SEC63: variants seen among roughly 807,000 people sequenced by gnomAD.
The protein encoded by SEC63 is translocation protein SEC63 homolog.
SEC63 carries 56 observed loss-of-function variants against 116.2 expected under a neutral mutation model. The observed-to-expected ratio is 0.48, with a 90% CI of 0.39 to 0.60. SEC63 has a LOEUF of 0.60. Among genes scored for constraint, SEC63 ranks in the 20% least tolerant of loss-of-function variants. The probability of loss-of-function intolerance (pLI) is 0.00; values close to 1 mark genes in which losing one functional copy is unlikely to be tolerated. For missense variants in SEC63, 668 were observed against 900.0 expected (o/e 0.74, Z 3.30); for synonymous variants, 273 against 294.6 (o/e 0.93, Z 0.75).
intron 1 of SEC63, among the ~76,000 whole-genome samples, chr6:107,947,922 A>G (rs1770508777): frequency 6.6e-6 from 1 of 152,162 alleles, no homozygotes; most frequent in Admixed American, 6.5e-5. Flanking sequence ...ATGTTTTATT[A>G]CCATACTTTA....
At chr6:107,904,504 A>T in intron 11 of SEC63, 125 bp downstream of exon 11, 1 of 738,416 alleles carries the variant, frequency 1.4e-6, no homozygotes, top group Non-Finnish European at 2.4e-6. Flanking sequence ...ACATGAGTAA[A>T]ATTGAAGAAG....
At position 107,891,669 on chromosome 6, in the gene SEC63, G is replaced by A. The variant is rs184433475; in HGVS notation, c.1674+1813C>T. On this transcript the variant is annotated intron_variant, in intron 16 of 20. Transcript: ENST00000369002. ...GTTTTTGGAATTTTCAGCCTTTTTG[G>A]GCTGATTTCTCCCCATCTGCGTGGA... is the stretch of plus-strand genomic sequence containing the variant. 4.6e-5 allele frequency among the ~76,000 whole-genome samples: 7 copies of A among 152,140 alleles called. No individual in the cohort carries two copies. In the East Asian group the frequency reaches 1.4e-3, roughly 30 times the overall value.
At chr6:107,883,531 A>T (rs1458745604) in intron 16 of SEC63, 1 of 215,384 alleles carries the variant, frequency 4.6e-6, no homozygotes, top group Non-Finnish European at 9.3e-6. Context: ...ACAGCGACTC[A>T]TGCATGTAAT....
Position 107,871,723 on chromosome 6 carries a change from T to C in SEC63, c.2264A>G (p.Glu755Gly), listed in dbSNP as rs1398678941. ...TACTGCTTAGTCATCATCTTCTTCTTCCTCCTCTTCTTCCTCAAAGCTATC... is the reference window on the plus strand; with the variant it reads ...TACTGCTTAGTCATCATCTTCTTCTCCCTCCTCTTCTTCCTCAAAGCTATC... ...FEDSFEEEEE[E>G]EEDDD Residue 755 changes from glutamate to glycine, a missense_variant, in exon 21 of 21, where the codon GAA becomes GGA. Glu to Gly is a moderately conservative substitution (Grantham distance 98). Around this residue, in one of 5 missense-constraint regions of SEC63, gnomAD observed 85 missense variants for 116.3 expected, o/e 0.73. Transcript: ENST00000369002. 1.2e-6 allele frequency: 2 copies of C among 1,612,750 alleles called. No individual in the cohort carries two copies. Among genetic ancestry groups the C allele is most frequent in the Non-Finnish European group, 1.7e-6 (2 of 1,179,736 alleles).
At chr6:107,935,048 C>A (rs1327439400) in intron 1 of SEC63, among the ~76,000 whole-genome samples, 1 of 136,882 alleles carries the variant, frequency 7.3e-6, no homozygotes, top group Non-Finnish European at 1.6e-5. Context: ...AGGGGCGCCT[C>A]TGCCCAGCCG....
chr6:107,918,956 G>A (rs1428894650), intron 4 of SEC63, among the ~76,000 whole-genome samples: 2 of 135,822 alleles, frequency 1.5e-5, no homozygotes, highest in Non-Finnish European at 3.1e-5. Context: ...TGTCGCCCAG[G>A]CTGGAGTGCA....
rs1300086054 is a variant in SEC63, at chr6:107,868,515, G to C, written c.*3189C>G. 2 of 152,446 alleles carry C rather than the reference G, an allele frequency of 1.3e-5. No individual in the cohort carries two copies. Among genetic ancestry groups the C allele is most frequent in the Middle Eastern group, 3.1e-3 (1 of 318 alleles). The allele number at this position is 152,446 out of a possible 1,614,324, so 9.4% of individuals were successfully genotyped here. The stretch of plus-strand genomic sequence containing the variant: ...AATCGCTTGAAGCTGGGAGGCGGAG[G>C]TTGCAGTGAGCTGAGATCGTGCCAC... On this transcript the variant is annotated 3_prime_UTR_variant, in exon 21 of 21. Transcript: ENST00000369002.
intron 4 of SEC63, 62 bp downstream of exon 4, chr6:107,921,735 A>AACCACT: frequency 9.6e-7 from 1 of 1,041,012 alleles, no homozygotes; most frequent in Admixed American, 1.7e-5. Flanking sequence ...TACAGGCATG[A>AACCACT]ACCACTGCAC....
chr6:107,902,459 A>T (rs1787027791), intron 12 of SEC63, among the ~76,000 whole-genome samples: 2 of 152,160 alleles, frequency 1.3e-5, no homozygotes, highest in Admixed American at 1.3e-4. Context: ...CTAAATAAGA[A>T]CTGTCTTTAT....
intron 16 of SEC63, among the ~76,000 whole-genome samples, chr6:107,890,348 T>C (rs1229981321): frequency 6.6e-6 from 1 of 152,256 alleles, no homozygotes; most frequent in Non-Finnish European, 1.5e-5. Context: ...CTTTTGATCT[T>C]TGTTGGTTTA....
At chr6:107,904,547 C>G in intron 11 of SEC63, 82 bp downstream of exon 11, 1 of 1,043,530 alleles carries the variant, frequency 9.6e-7, no homozygotes, top group Non-Finnish European at 1.5e-6. Context: ...GTCTGAGTAC[C>G]CATAAATCCT....
intron 1 of SEC63, among the ~76,000 whole-genome samples, chr6:107,938,819 T>C (rs1770311718): frequency 1.3e-5 from 2 of 152,142 alleles, no homozygotes; most frequent in African/African-American, 4.8e-5. Flanking sequence ...CCTCCCAAAG[T>C]GCTGGGATTA....
intron 1 of SEC63, among the ~76,000 whole-genome samples, chr6:107,936,480 T>C (rs1436356927): frequency 6.6e-6 from 1 of 152,256 alleles, no homozygotes; most frequent in Admixed American, 6.5e-5. Context: ...TATAAACTTC[T>C]TGCTTATTGA....
At chr6:107,937,651 A>G (rs959681000) in intron 1 of SEC63, among the ~76,000 whole-genome samples, 6 of 152,304 alleles carry the variant, frequency 3.9e-5, no homozygotes, top group African/African-American at 1.4e-4. Flanking sequence ...ACTAGTTTAC[A>G]TTCCCACCAG....
rs1786268203 is a variant in SEC63 at position 107,876,444 on chromosome 6, C to G, written c.2034+120G>C. 3 of 693,758 alleles carry G rather than the reference C, an allele frequency of 4.3e-6. No homozygotes were observed. In the South Asian group the frequency reaches 4.9e-5, roughly 11 times the overall value. 43.0% of individuals were successfully genotyped at this position (693,758 alleles called of 1,614,324 possible). On this transcript the variant is annotated intron_variant, in intron 19 of 20. Coordinates refer to ENST00000369002, the MANE Select transcript of SEC63 (RefSeq NM_007214.5). ...ATAGAGAACAGTTACAAAATGCAGG[C>G]AACGAATAGAATACAATATGCTAAA...
At chr6:107,937,767 T>G (rs1770289400) in intron 1 of SEC63, among the ~76,000 whole-genome samples, 1 of 152,210 alleles carries the variant, frequency 6.6e-6, no homozygotes, top group East Asian at 1.9e-4. Flanking sequence ...CACTGTGGTT[T>G]TGATTTGCAT....
chr6:107,914,131 A>G (rs1787347456), intron 4 of SEC63, among the ~76,000 whole-genome samples: 1 of 152,222 alleles, frequency 6.6e-6, no homozygotes, highest in Non-Finnish European at 1.5e-5. Context: ...CTCAAGGTAC[A>G]GAGTCAAGAA....
chr6:107,938,337 A>C (rs4476867), intron 1 of SEC63, among the ~76,000 whole-genome samples: 1 of 148,140 alleles, frequency 6.8e-6, no homozygotes, highest in Non-Finnish European at 1.5e-5. Flanking sequence ...TGCATCCTCA[A>C]CCTTCCAGGC....
intron 8 of SEC63, among the ~76,000 whole-genome samples, chr6:107,908,713 A>C (rs1346317804): frequency 6.6e-6 from 1 of 152,250 alleles, no homozygotes; most frequent in Non-Finnish European, 1.5e-5. Flanking sequence ...AAAATTTCTG[A>C]TGAAATATAT....
Sources: allele counts gnomAD v4.1 joint callset (sites outside exome capture counted in the v4.1 genomes callset), GRCh38; gene constraint gnomAD v4.1.1; regional missense constraint gnomAD v4.1.1; transcripts MANE v1.5; gene names NCBI Gene and HGNC (gene_info 2026-07-23, HGNC 2026-07-21).